STPG2: variants seen among roughly 807,000 people sequenced by gnomAD.
The protein encoded by STPG2 is sperm tail PG-rich repeat containing 2.
Under a neutral mutation model 54.2 loss-of-function variants are expected in STPG2, and 56 were observed. That is an observed-to-expected ratio of 1.03 (90% CI 0.83 to 1.29). The LOEUF (loss-of-function observed/expected upper bound fraction) is 1.29, where lower values mean the gene tolerates loss of function less well. Among genes scored for constraint, STPG2 ranks in the 50% most tolerant of loss-of-function variants. STPG2 has a pLI of 0.00. For synonymous variants in STPG2, 200 were observed against 181.8 expected (o/e 1.10, Z -0.81); for missense variants, 596 against 544.9 (o/e 1.09, Z -0.93).
At chr4:97,956,066 AAAGT>A (rs546742739) in intron 7 of STPG2, among the ~76,000 whole-genome samples, 190 of 152,302 alleles carry the variant, frequency 1.2e-3, no homozygotes, top group Middle Eastern at 6.8e-3. Flanking sequence ...ATAAATAAAA[AAAGT>A]AATCCACACA....
chr4:97,777,024 G>T (rs1217941742), intron 9 of STPG2, among the ~76,000 whole-genome samples: 2 of 152,140 alleles, frequency 1.3e-5, no homozygotes, highest in Non-Finnish European at 2.9e-5. Flanking sequence ...AATTAAAAGA[G>T]ATTTTAAGTA....
chr4:97,666,443 C>G (rs896094836), intron 10 of STPG2, among the ~76,000 whole-genome samples: 3 of 152,164 alleles, frequency 2.0e-5, no homozygotes, highest in African/African-American at 7.2e-5. Context: ...AATAATACTT[C>G]TTTAAGAAAT....
At chr4:97,623,000 CA>C in intron 10 of STPG2, among the ~76,000 whole-genome samples, 1 of 152,098 alleles carries the variant, frequency 6.6e-6, no homozygotes, top group South Asian at 2.1e-4. Flanking sequence ...ACAAAGTTGA[CA>C]AAAACAAGCA....
chr4:97,540,217 T>C (rs1461986400), intron 4 of STPG2, among the ~76,000 whole-genome samples: 1 of 151,958 alleles, frequency 6.6e-6, no homozygotes, highest in Non-Finnish European at 1.5e-5. Context: ...ACAAAATTGA[T>C]AGATTGCTAG....
intron 9 of STPG2, among the ~76,000 whole-genome samples, chr4:97,794,521 C>A (rs1727105635): frequency 6.6e-6 from 1 of 152,038 alleles, no homozygotes; most frequent in Admixed American, 6.6e-5. Flanking sequence ...AAGAAAATTG[C>A]AAAGTGTTTT....
At chr4:97,903,871 C>T (rs1731279448) in intron 8 of STPG2, among the ~76,000 whole-genome samples, 2 of 152,184 alleles carry the variant, frequency 1.3e-5, no homozygotes, top group South Asian at 4.1e-4. Context: ...CACTCCCACC[C>T]GAATACTGCG....
chr4:97,814,690 G>A (rs1727853590), intron 9 of STPG2, among the ~76,000 whole-genome samples: 1 of 152,066 alleles, frequency 6.6e-6, no homozygotes, highest in South Asian at 2.1e-4. Context: ...TAATCTGGGT[G>A]GGCAGTACCT....
At chr4:98,095,555 A>ACTGTAAG in intron 5 of STPG2, among the ~76,000 whole-genome samples, 2 of 152,328 alleles carry the variant, frequency 1.3e-5, no homozygotes, top group East Asian at 3.9e-4. Context: ...CAAAACAAAA[A>ACTGTAAG]CTGTAAGAAG....
intron 10 of STPG2, among the ~76,000 whole-genome samples, chr4:97,654,531 C>A (rs541993872): frequency 6.6e-6 from 1 of 152,180 alleles, no homozygotes; most frequent in Admixed American, 6.5e-5. Flanking sequence ...ACTTCTGTTA[C>A]CCTTCCATGC....
rs533978061 is a variant in STPG2, at chr4:97,759,307, GA to G, written c.1205-46494del. Among the ~76,000 whole-genome samples the G allele has an allele frequency of 4.3e-3, 645 of 150,566 alleles. 3 individuals are homozygous for G. Among genetic ancestry groups the G allele is most frequent in the South Asian group, 0.024 (115 of 4,772 alleles). ...CTGCTTTCCCACAACGCAGGGCTCAGAAAAAAAAATAACATTGTCACTTGTC... is the reference window on the plus strand; with the variant it reads ...CTGCTTTCCCACAACGCAGGGCTCAGAAAAAAAATAACATTGTCACTTGTC... On this transcript the variant is annotated intron_variant, in intron 9 of 10. Coordinates refer to ENST00000295268, the MANE Select transcript of STPG2 (RefSeq NM_174952.3).
Position 97,904,800 on chromosome 4 carries a change from C to T in STPG2, c.1044+39097G>A, listed in dbSNP as rs181671694. Among the ~76,000 whole-genome samples the T allele has an allele frequency of 2.6e-3, 398 of 152,198 alleles. 3 individuals are homozygous for T. The highest frequency in any genetic ancestry group is 8.9e-3 in the African/African-American group (368 of 41,514). ...GCTGAAAACCAAGGCTTGAGAACTACGTGAAGAATGCAGAAGGCTCAGAAG... is the reference window on the plus strand; with the variant it reads ...GCTGAAAACCAAGGCTTGAGAACTATGTGAAGAATGCAGAAGGCTCAGAAG... On this transcript the variant is annotated intron_variant, in intron 8 of 10. Transcript: ENST00000295268.
rs79356772 is a variant in STPG2 at position 97,460,929 on chromosome 4, A to G, written c.462+251770T>C. ...AACATTATGCTTGTAATATGGATCC[A>G]TGTGGTTGCATATAACATTCATGCT... is the stretch of plus-strand genomic sequence containing the variant. On this transcript the variant is annotated intron_variant, in intron 4 of 4. Transcript: ENST00000522676. Among the ~76,000 whole-genome samples the G allele has an allele frequency of 6.0e-3, 918 of 152,324 alleles. 5 individuals carry two copies. Among genetic ancestry groups the G allele is most frequent in the South Asian group, 0.02 (97 of 4,826 alleles).
intron 10 of STPG2, among the ~76,000 whole-genome samples, chr4:97,560,400 C>T (rs1484414475): frequency 6.6e-6 from 1 of 152,068 alleles, no homozygotes; most frequent in African/African-American, 2.4e-5. Flanking sequence ...TAGACAAGGG[C>T]AAATAAATCT....
chr4:98,073,024 TA>T (rs1365174385), intron 5 of STPG2, among the ~76,000 whole-genome samples: 1 of 152,226 alleles, frequency 6.6e-6, no homozygotes, highest in Non-Finnish European at 1.5e-5. Context: ...CGCAGGTGGT[TA>T]AAATGCCTGA....
At chr4:97,714,268 T>C (rs1247266771) in intron 9 of STPG2, among the ~76,000 whole-genome samples, 1 of 152,200 alleles carries the variant, frequency 6.6e-6, no homozygotes, top group Non-Finnish European at 1.5e-5. Flanking sequence ...TATGAAACAT[T>C]TTTAATGTTT....
chr4:98,037,449 G>A (rs949011815), intron 5 of STPG2, among the ~76,000 whole-genome samples: 3 of 151,810 alleles, frequency 2.0e-5, no homozygotes, highest in African/African-American at 7.3e-5. Flanking sequence ...CAAAATTAAG[G>A]CTAGAAGATA....
chr4:97,488,586 T>C (rs1307588221), intron 4 of STPG2, among the ~76,000 whole-genome samples: 2 of 151,632 alleles, frequency 1.3e-5, no homozygotes, highest in Admixed American at 1.3e-4. Flanking sequence ...CAAGGTAAAG[T>C]AGGTGAGAGG....
intron 10 of STPG2, among the ~76,000 whole-genome samples, chr4:97,566,085 C>T (rs999590546): frequency 4.6e-5 from 7 of 152,194 alleles, no homozygotes; most frequent in African/African-American, 1.7e-4. Context: ...GTGGTGGGCT[C>T]CACCCAGTTC....
In STPG2 at chr4:97,854,452, TAAC is replaced by T. The variant is rs1349685920; in HGVS notation, c.1045-13523_1045-13521del. Among the ~76,000 whole-genome samples, 14 of 148,634 alleles carry T rather than the reference TAAC, an allele frequency of 9.4e-5. No homozygotes were observed. In the South Asian group the frequency reaches 2.5e-3, roughly 27 times the overall value. ...TTAAACTTTAGTTATTATTAAATAA[TAAC>T]AATATAATATAATGTATCATATATA... On this transcript the variant is annotated intron_variant, in intron 8 of 10. Coordinates refer to ENST00000295268, the MANE Select transcript of STPG2 (RefSeq NM_174952.3).
Sources: gnomAD v4.1 joint callset for allele counts (sites outside exome capture counted in the v4.1 genomes callset) on GRCh38, gnomAD v4.1.1 for gene constraint, MANE v1.5 for transcripts, NCBI Gene and HGNC (gene_info 2026-07-23, HGNC 2026-07-21) for gene names.